The following CDH18 variants were observed in gnomAD, a reference collection of about 807,000 sequenced individuals.
CDH18 encodes the protein cadherin-18.
CDH18 carries 31 observed loss-of-function variants against 67.9 expected under a neutral mutation model. The observed-to-expected ratio is 0.46, with a 90% CI of 0.34 to 0.62. The LOEUF (loss-of-function observed/expected upper bound fraction) is 0.62, where lower values mean the gene tolerates loss of function less well. CDH18 is among the 20% of genes least tolerant of loss of function. The pLI is 0.01. For missense variants in CDH18, 890 were observed against 975.5 expected, an observed-to-expected ratio of 0.91 and a Z score of 1.17; for synonymous variants, 362 against 347.2, an observed-to-expected ratio of 1.04 and a Z score of -0.48.
chr5:19,955,629 T>G (rs924559959), intron 2 of CDH18, among the ~76,000 whole-genome samples: 1 of 152,074 alleles, frequency 6.6e-6, no homozygotes, highest in African/African-American at 2.4e-5. Flanking sequence ...GAGGTAACAC[T>G]TAAAATTTAT....
chr5:19,742,851 C>T (rs543985952), intron 4 of CDH18, among the ~76,000 whole-genome samples: 16 of 152,006 alleles, frequency 1.1e-4, no homozygotes, highest in African/African-American at 3.9e-4. Flanking sequence ...GTAATTTTAT[C>T]AGGCCCCATA....
At chr5:19,734,680 T>C (rs1768064147) in intron 4 of CDH18, among the ~76,000 whole-genome samples, 1 of 152,218 alleles carries the variant, frequency 6.6e-6, no homozygotes, top group African/African-American at 2.4e-5. Flanking sequence ...TTTAGGGCTA[T>C]ACATTTGATC....
intron 5 of CDH18, among the ~76,000 whole-genome samples, chr5:19,688,147 T>C (rs1488785520): frequency 2.6e-5 from 4 of 152,132 alleles, no homozygotes; most frequent in African/African-American, 7.2e-5. Context: ...ACTCATGCCA[T>C]ACACACTACC....
At chr5:19,750,437 G>A (rs530819431) in intron 3 of CDH18, among the ~76,000 whole-genome samples, 52 of 151,998 alleles carry the variant, frequency 3.4e-4, no homozygotes, top group Non-Finnish European at 6.2e-4. Flanking sequence ...GAATAATAAG[G>A]GTAGTTGCAG....
chr5:19,676,115 G>A (rs1759450585), intron 5 of CDH18, among the ~76,000 whole-genome samples: 1 of 151,844 alleles, frequency 6.6e-6, no homozygotes, highest in Admixed American at 6.6e-5. Context: ...CTTGAAGACT[G>A]GTCTCTGAAA....
chr5:19,808,925 C>T (rs1423738965), intron 3 of CDH18, among the ~76,000 whole-genome samples: 1 of 149,500 alleles, frequency 6.7e-6, no homozygotes, highest in Non-Finnish European at 1.5e-5. Context: ...TATATTTCTA[C>T]ATTATATTTG....
At chr5:19,763,145 G>A (rs1023412364) in intron 3 of CDH18, among the ~76,000 whole-genome samples, 2 of 152,146 alleles carry the variant, frequency 1.3e-5, no homozygotes, top group African/African-American at 4.8e-5. Flanking sequence ...AATACCTAAT[G>A]TAAATGATGA....
At chr5:19,676,988 T>A (rs1759580708) in intron 5 of CDH18, among the ~76,000 whole-genome samples, 1 of 152,082 alleles carries the variant, frequency 6.6e-6, no homozygotes, top group African/African-American at 2.4e-5. Flanking sequence ...CCTTATGCCC[T>A]TCAGTCAAAA....
intron 2 of CDH18, among the ~76,000 whole-genome samples, chr5:19,977,519 C>A (rs78081421): frequency 0.014 from 2,159 of 152,272 alleles, 68 homozygotes; most frequent in African/African-American, 0.049. Flanking sequence ...CATACTCCAT[C>A]ATGTCTAGGA....
At chr5:20,545,976 G>A (rs1467141490) in intron 1 of CDH18, among the ~76,000 whole-genome samples, 1 of 152,022 alleles carries the variant, frequency 6.6e-6, no homozygotes, top group Non-Finnish European at 1.5e-5. Context: ...TTCAGAATCA[G>A]CCAGGTCATA....
intron 1 of CDH18, among the ~76,000 whole-genome samples, chr5:20,505,803 G>T (rs1754621966): frequency 6.6e-6 from 1 of 152,156 alleles, no homozygotes; most frequent in South Asian, 2.1e-4. Context: ...AAGAAGTTTA[G>T]CTTCTCTTTC....
chr5:19,669,038 T>A (rs184077790), intron 5 of CDH18, among the ~76,000 whole-genome samples: 17 of 150,182 alleles, frequency 1.1e-4, no homozygotes, highest in Non-Finnish European at 1.8e-4. Context: ...ATGTGGACAT[T>A]CATACCATAA....
At chr5:19,879,608 A>G (rs1472994319) in intron 2 of CDH18, among the ~76,000 whole-genome samples, 2 of 152,044 alleles carry the variant, frequency 1.3e-5, no homozygotes, top group Non-Finnish European at 2.9e-5. Context: ...ATTCATTAAA[A>G]TAATTGGAAC....
chr5:19,957,153 G>A (rs1438034737), intron 2 of CDH18, among the ~76,000 whole-genome samples: 2 of 151,648 alleles, frequency 1.3e-5, no homozygotes, highest in African/African-American at 2.4e-5. Context: ...CTCTTTCTCT[G>A]GCTATTTTAA....
chr5:20,460,797 T>G (rs974430105), intron 1 of CDH18, among the ~76,000 whole-genome samples: 1 of 152,208 alleles, frequency 6.6e-6, no homozygotes, highest in African/African-American at 2.4e-5. Flanking sequence ...ATATTCGATG[T>G]TTTTTGATAT....
In CDH18 at chr5:19,966,740, G is replaced by A. The variant is rs185366484; in HGVS notation, c.-257+14320C>T. Among the ~76,000 whole-genome samples the A allele has an allele frequency of 1.9e-3, 289 of 151,750 alleles. 1 individual carries two copies. Among genetic ancestry groups the A allele is most frequent in the African/African-American group, 6.4e-3 (264 of 41,424 alleles). ...TATTATTTTCAAGAGTTATATATGC[G>A]TGCTTATTCACCTACAATAAATAAT... On this transcript the variant is annotated intron_variant, in intron 2 of 12. Transcript: ENST00000382275.
chr5:19,851,600 T>C (rs1029545680), intron 2 of CDH18, among the ~76,000 whole-genome samples: 3 of 151,874 alleles, frequency 2.0e-5, no homozygotes, highest in Admixed American at 2.0e-4. Context: ...GTCATATTAA[T>C]ACTATCTAAC....
chr5:20,348,458 GT>G (rs563364295), intron 1 of CDH18, among the ~76,000 whole-genome samples: 94 of 152,300 alleles, frequency 6.2e-4, no homozygotes, highest in Non-Finnish European at 1.1e-3. Flanking sequence ...TTCCTTATCA[GT>G]TTTGGTAAGC....
chr5:19,492,014 AG>A (rs1269172923), intron 11 of CDH18, among the ~76,000 whole-genome samples: 1 of 152,174 alleles, frequency 6.6e-6, no homozygotes. Flanking sequence ...ATACAAAAAA[AG>A]AGAACATAAT....
Sources: allele counts gnomAD v4.1 joint callset (sites outside exome capture counted in the v4.1 genomes callset), GRCh38; gene constraint gnomAD v4.1.1; transcripts MANE v1.5; gene names NCBI Gene and HGNC (gene_info 2026-07-23, HGNC 2026-07-21).